DDHD1: variants seen among roughly 807,000 people sequenced by gnomAD.
DDHD1 encodes the protein DDHD domain containing 1.
A neutral mutation model predicts 96.4 loss-of-function variants in DDHD1; 49 were observed. The ratio of observed to expected loss-of-function variants is 0.51; its 90% confidence interval spans 0.40 to 0.64. The LOEUF is 0.64. Among genes scored for constraint, DDHD1 ranks in the 30% least tolerant of loss-of-function variants. The pLI, the probability that DDHD1 is intolerant of heterozygous loss-of-function variation, is 0.00. For synonymous variants in DDHD1, 442 were observed against 446.5 expected, an observed-to-expected ratio of 0.99 and a Z score of 0.13; for missense variants, 1,106 against 1,161.2, an observed-to-expected ratio of 0.95 and a Z score of 0.69.
chr14:53,073,707 T>C (rs757364837), intron 5 of DDHD1, 34 bp downstream of exon 5: 18 of 1,549,644 alleles, frequency 1.2e-5, no homozygotes, highest in East Asian at 2.3e-5. Flanking sequence ...AAGTTTGCCA[T>C]TGGCTAAATC....
rs55671452 is a variant in DDHD1 at position 53,152,762 on chromosome 14, TGCC to T, written c.334_336del (p.Gly112del). 67 of 1,576,548 alleles carry T rather than the reference TGCC, an allele frequency of 4.2e-5. No homozygotes were observed. Among genetic ancestry groups the T allele is most frequent in the Non-Finnish European group, 5.4e-5 (63 of 1,162,160 alleles). On this transcript the variant is annotated inframe_deletion, in exon 1 of 13. Transcript: ENST00000673822. ...TGCGGCGGGTGCAGCGACAAGGAGCTGCCGCCGCCGCCGCTCTCACCCTCGCTG... is the reference window on the plus strand; with the variant it reads ...TGCGGCGGGTGCAGCGACAAGGAGCTGCCGCCGCCGCTCTCACCCTCGCTG...
Position 53,100,083 on chromosome 14 carries a change from T to TA in DDHD1, c.1012+3599dup, listed in dbSNP as rs1311682936. ...GGAAAAAAACAATAAAACACAAAAA[T>TA]AAAAAATATTATCAATCAAAAACCA... On this transcript the variant is annotated intron_variant, in intron 2 of 12. Coordinates refer to ENST00000673822, the MANE Select transcript of DDHD1 (RefSeq NM_001160148.2). 4.6e-5 allele frequency among the ~76,000 whole-genome samples: 7 copies of TA among 151,970 alleles called. No homozygotes were observed. In the East Asian group the frequency reaches 1.4e-3, roughly 29 times the overall value.
intron 2 of DDHD1, chr14:53,103,272 C>T: frequency 5.1e-6 from 2 of 394,528 alleles, no homozygotes; most frequent in Non-Finnish European, 8.9e-6. Flanking sequence ...AAGAGATACA[C>T]AAAGATAATT....
At chr14:53,152,113 G>GAAAGAGAGCGTGTAGAT in intron 1 of DDHD1, 148 bp downstream of exon 1, 6 of 833,730 alleles carry the variant, frequency 7.2e-6, no homozygotes, top group Admixed American at 3.2e-5. Flanking sequence ...AGCTGCCGAC[G>GAAAGAGAGCGTGTAGAT]CTCCCTGCTC....
chr14:53,049,810 T>C (rs1882380420), intron 12 of DDHD1, among the ~76,000 whole-genome samples: 1 of 152,194 alleles, frequency 6.6e-6, no homozygotes, highest in Non-Finnish European at 1.5e-5. Context: ...ACTGTGTTTT[T>C]AAACAATCAT....
intron 1 of DDHD1, among the ~76,000 whole-genome samples, chr14:53,131,310 C>G (rs1889848046): frequency 6.6e-6 from 1 of 152,166 alleles, no homozygotes; most frequent in Non-Finnish European, 1.5e-5. Flanking sequence ...TTTACTCCCT[C>G]CATGGCAACC....
intron 4 of DDHD1, among the ~76,000 whole-genome samples, chr14:53,084,481 A>G (rs774598877): frequency 3.9e-5 from 6 of 152,220 alleles, no homozygotes; most frequent in Non-Finnish European, 8.8e-5. Flanking sequence ...ATATCTGCAT[A>G]CTAACATATA....
Position 53,111,427 on chromosome 14 carries a change from T to C in DDHD1, c.839-7571A>G, listed in dbSNP as rs537356979. On this transcript the variant is annotated intron_variant, in intron 1 of 12. Transcript: ENST00000673822. ...GTAGCTAGGACTGGGTAGCTATTGG[T>C]GATAATGACTCTTCCTTCTTCCCTG... is the stretch of plus-strand genomic sequence containing the variant. 2.6e-5 allele frequency among the ~76,000 whole-genome samples: 4 copies of C among 152,290 alleles called. No homozygotes were observed. The South Asian group carries it at 8.3e-4, about 32-fold the overall frequency.
chr14:53,081,908 G>A (rs1034073947), intron 4 of DDHD1, among the ~76,000 whole-genome samples: 1 of 152,024 alleles, frequency 6.6e-6, no homozygotes, highest in Non-Finnish European at 1.5e-5. Flanking sequence ...GGAAGGAGAA[G>A]GGAGAGGAGG....
At chr14:53,094,239 A>T (rs1025221629) in intron 2 of DDHD1, among the ~76,000 whole-genome samples, 1 of 152,156 alleles carries the variant, frequency 6.6e-6, no homozygotes, top group African/African-American at 2.4e-5. Context: ...GGGGAAAAAA[A>T]TTTACCTTTA....
chr14:53,128,237 A>C (rs1239090921), intron 1 of DDHD1, among the ~76,000 whole-genome samples: 1 of 152,222 alleles, frequency 6.6e-6, no homozygotes, highest in East Asian at 1.9e-4. Flanking sequence ...TCTTCATAGC[A>C]GCATAAGAAT....
intron 9 of DDHD1, among the ~76,000 whole-genome samples, chr14:53,056,239 A>G (rs17126082): frequency 6.6e-6 from 1 of 152,092 alleles, no homozygotes; most frequent in Non-Finnish European, 1.5e-5. Flanking sequence ...TAATCCTGGG[A>G]AACAGCAAAT....
intron 4 of DDHD1, among the ~76,000 whole-genome samples, chr14:53,078,004 G>A (rs1407843764): frequency 6.6e-6 from 1 of 151,958 alleles, no homozygotes; most frequent in Non-Finnish European, 1.5e-5. Flanking sequence ...ATATGGATAC[G>A]CCACTTTTGT....
intron 1 of DDHD1, among the ~76,000 whole-genome samples, chr14:53,121,103 C>T (rs770835977): frequency 1.3e-5 from 2 of 151,696 alleles, no homozygotes; most frequent in Non-Finnish European, 2.9e-5. Flanking sequence ...AAAAAAAAAC[C>T]CATCAAAAAG....
chr14:53,056,605 T>A (rs1234341564), intron 9 of DDHD1, among the ~76,000 whole-genome samples: 1 of 152,126 alleles, frequency 6.6e-6, no homozygotes, highest in East Asian at 1.9e-4. Flanking sequence ...CTGTCACTTA[T>A]TAATTGCATG....
chr14:53,123,674 T>C (rs1195541442), intron 1 of DDHD1, among the ~76,000 whole-genome samples: 1 of 152,158 alleles, frequency 6.6e-6, no homozygotes, highest in African/African-American at 2.4e-5. Flanking sequence ...AGAATGAGAC[T>C]GTTTACATAA....
At chr14:53,061,314 C>T (rs985471921) in intron 7 of DDHD1, 113 bp from the exon 8 acceptor site, 8 of 752,212 alleles carry the variant, frequency 1.1e-5, no homozygotes, top group Admixed American at 3.4e-5. Flanking sequence ...CTATCCCTCA[C>T]ATTAATCCTG....
In DDHD1 at chr14:53,152,438, G is replaced by A; in HGVS notation, c.661C>T (p.Pro221Ser). Residue 221 changes from proline to serine, a missense_variant, in exon 1 of 13, where the codon CCA becomes TCA. By Grantham distance (74) the Pro-to-Ser change is moderately conservative. This residue lies in a region of DDHD1 where 456 missense variants were observed against 402.4 expected (regional missense o/e 1.13). Coordinates refer to ENST00000673822, the MANE Select transcript of DDHD1 (RefSeq NM_001160148.2). ...DGDHVCSPTG[P>S]ASSSGEDDDE... ...TCATCTTCTCCGGAACTGGAGGCTG[G>A]GCCCGTGGGGGAGCACACATGGTCG... The A allele has an allele frequency of 6.2e-7, 1 of 1,613,600 alleles. No individual in the cohort carries two copies. Among genetic ancestry groups the A allele is most frequent in the East Asian group, 2.2e-5 (1 of 44,854 alleles).
intron 1 of DDHD1, among the ~76,000 whole-genome samples, chr14:53,140,510 A>C (rs772137476): frequency 6.6e-6 from 1 of 152,204 alleles, no homozygotes; most frequent in Non-Finnish European, 1.5e-5. Flanking sequence ...CAGCCTGGGC[A>C]ACAGAGCAAG....
Sources: gnomAD v4.1 joint callset for allele counts (sites outside exome capture counted in the v4.1 genomes callset) on GRCh38, gnomAD v4.1.1 for gene constraint, gnomAD v4.1.1 regional missense constraint, MANE v1.5 for transcripts, NCBI Gene and HGNC (gene_info 2026-07-23, HGNC 2026-07-21) for gene names.